The following TMEM132B variants were observed in gnomAD, a reference collection of about 807,000 sequenced individuals.
TMEM132B encodes transmembrane protein 132B.
TMEM132B carries 18 observed loss-of-function variants against 90.8 expected under a neutral mutation model. The observed-to-expected ratio is 0.20, with a 90% CI of 0.14 to 0.29. TMEM132B has a LOEUF of 0.29. Among genes scored for constraint, TMEM132B ranks in the 10% least tolerant of loss-of-function variants. The probability of loss-of-function intolerance (pLI) is 1.00; values close to 1 mark genes in which losing one functional copy is unlikely to be tolerated. For missense variants in TMEM132B, 1,096 were observed against 1,326.8 expected (o/e 0.83, Z 2.70); for synonymous variants, 504 against 523.3 (o/e 0.96, Z 0.50).
chr12:125,402,752 A>C (rs73424802), intron 2 of TMEM132B, among the ~76,000 whole-genome samples: 3,123 of 152,326 alleles, frequency 0.021, 111 homozygotes, highest in South Asian at 0.067. Context: ...CCATTTATCA[A>C]CAAGTGGTTT....
At chr12:125,397,394 A>G (rs1879198390) in intron 2 of TMEM132B, among the ~76,000 whole-genome samples, 1 of 152,192 alleles carries the variant, frequency 6.6e-6, no homozygotes, top group South Asian at 2.1e-4. Context: ...ACATATTTGA[A>G]TCCCAAAGCC....
At chr12:125,211,868 G>A (rs1451063340) in intron 1 of TMEM132B, among the ~76,000 whole-genome samples, 2 of 152,204 alleles carry the variant, frequency 1.3e-5, no homozygotes, top group African/African-American at 4.8e-5. Context: ...TCAGCTCCCT[G>A]TGGGCAGAGC....
intron 1 of TMEM132B, among the ~76,000 whole-genome samples, chr12:125,261,423 G>A (rs533815057): frequency 6.6e-5 from 10 of 152,192 alleles, no homozygotes; most frequent in African/African-American, 2.2e-4. Context: ...CTCTAATATC[G>A]TTGTCTGATT....
chr12:125,231,252 GCTC>G (rs879845336), intron 1 of TMEM132B, among the ~76,000 whole-genome samples: 5 of 151,540 alleles, frequency 3.3e-5, no homozygotes, highest in Non-Finnish European at 7.4e-5. Context: ...TCTGTGTCCT[GCTC>G]CTCTTCTCAT....
At chr12:125,619,443 C>A (rs537544952) in intron 5 of TMEM132B, among the ~76,000 whole-genome samples, 1 of 152,144 alleles carries the variant, frequency 6.6e-6, no homozygotes, top group Non-Finnish European at 1.5e-5. Flanking sequence ...CGGCTCACTG[C>A]AACTTCTGCC....
chr12:125,272,373 T>A (rs1874862405), intron 1 of TMEM132B, among the ~76,000 whole-genome samples: 1 of 152,138 alleles, frequency 6.6e-6, no homozygotes, highest in South Asian at 2.1e-4. Flanking sequence ...AATATATTGA[T>A]GAATAGGGCG....
At chr12:125,347,629 C>A (rs1263683347) in intron 1 of TMEM132B, among the ~76,000 whole-genome samples, 1 of 152,204 alleles carries the variant, frequency 6.6e-6, no homozygotes, top group Non-Finnish European at 1.5e-5. Flanking sequence ...GTTTCCTCCT[C>A]TGGGATGCTG....
chr12:125,417,195 C>T (rs145639452), intron 3 of TMEM132B, among the ~76,000 whole-genome samples: 77 of 152,178 alleles, frequency 5.1e-4, no homozygotes, highest in Non-Finnish European at 1.1e-3. Flanking sequence ...ACTCACCCAA[C>T]GATATCCAAA....
chr12:125,607,513 G>A (rs138979356), intron 5 of TMEM132B, among the ~76,000 whole-genome samples: 15 of 152,294 alleles, frequency 9.8e-5, no homozygotes, highest in Admixed American at 2.0e-4. Flanking sequence ...CCTGAAGTTA[G>A]GGTTTCAGTT....
intron 2 of TMEM132B, among the ~76,000 whole-genome samples, chr12:125,387,067 G>A (rs552187357): frequency 2.0e-5 from 3 of 151,418 alleles, no homozygotes; most frequent in African/African-American, 7.3e-5. Flanking sequence ...GAAGATCCCC[G>A]GCAGCATTAT....
At chr12:125,225,639 A>G (rs1873662569) in intron 1 of TMEM132B, among the ~76,000 whole-genome samples, 1 of 152,226 alleles carries the variant, frequency 6.6e-6, no homozygotes, top group Non-Finnish European at 1.5e-5. Flanking sequence ...TCCATGGAAC[A>G]GTTCAATCAG....
intron 2 of TMEM132B, among the ~76,000 whole-genome samples, chr12:125,376,907 A>C (rs1355659843): frequency 6.6e-6 from 1 of 152,232 alleles, no homozygotes; most frequent in Non-Finnish European, 1.5e-5. Flanking sequence ...GCAGGGAAGA[A>C]AACTGTGACT....
intron 4 of TMEM132B, among the ~76,000 whole-genome samples, chr12:125,580,522 C>T (rs1233101750): frequency 2.0e-5 from 3 of 152,184 alleles, no homozygotes. Flanking sequence ...GGCTTCTAGA[C>T]TGCTGGTTTT....
chr12:125,479,358 A>G (rs1280493010), intron 3 of TMEM132B, among the ~76,000 whole-genome samples: 1 of 152,248 alleles, frequency 6.6e-6, no homozygotes, highest in Non-Finnish European at 1.5e-5. Context: ...TGCTGTATTT[A>G]GGAGACCCAT....
At chr12:125,413,947 C>T (rs181707721) in intron 2 of TMEM132B, among the ~76,000 whole-genome samples, 4 of 152,312 alleles carry the variant, frequency 2.6e-5, no homozygotes, top group Non-Finnish European at 5.9e-5. Flanking sequence ...TACCACTTTA[C>T]GTTCCCCAGA....
intron 3 of TMEM132B, among the ~76,000 whole-genome samples, chr12:125,442,717 A>G (rs995461418): frequency 9.9e-5 from 15 of 152,224 alleles, no homozygotes; most frequent in Admixed American, 3.9e-4. Context: ...AGCCAGGATG[A>G]CGGCAGGTGT....
chr12:125,369,875 C>G (rs1255233067), intron 2 of TMEM132B, among the ~76,000 whole-genome samples: 1 of 152,030 alleles, frequency 6.6e-6, no homozygotes, highest in East Asian at 1.9e-4. Context: ...ATGGTGAAAC[C>G]CTGTCTCTAC....
chr12:125,651,548 A>G (rs1178686851), intron 7 of TMEM132B, among the ~76,000 whole-genome samples: 2 of 152,222 alleles, frequency 1.3e-5, no homozygotes, highest in African/African-American at 4.8e-5. Flanking sequence ...ATTGTAGCCA[A>G]AGCTATATTT....
At position 125,642,974 on chromosome 12, in the gene TMEM132B, A is replaced by G. The variant is rs373985788; in HGVS notation, c.1438-1102A>G. On this transcript the variant is annotated intron_variant, in intron 5 of 8. Transcript: ENST00000682704. ...GGGGTGGGTGGCGAGGTGGTAATTTATCTCAAACCACTTGGAAGTTTACTC... is the reference window on the plus strand; with the variant it reads ...GGGGTGGGTGGCGAGGTGGTAATTTGTCTCAAACCACTTGGAAGTTTACTC... Among the ~76,000 whole-genome samples, 37 of 152,148 alleles carry G rather than the reference A, an allele frequency of 2.4e-4. No homozygotes were observed. The South Asian group carries it at 4.8e-3, about 20-fold the overall frequency.
Sources: gnomAD v4.1 joint callset for allele counts (sites outside exome capture counted in the v4.1 genomes callset) on GRCh38, gnomAD v4.1.1 for gene constraint, MANE v1.5 for transcripts, NCBI Gene and HGNC (gene_info 2026-07-23, HGNC 2026-07-21) for gene names.